SLC9A2: variants seen among roughly 807,000 people sequenced by gnomAD.
SLC9A2 encodes the protein solute carrier family 9 member A2.
Under a neutral mutation model 71.7 loss-of-function variants are expected in SLC9A2, and 42 were observed. The ratio of observed to expected loss-of-function variants is 0.59; its 90% CI spans 0.46 to 0.76. The LOEUF (loss-of-function observed/expected upper bound fraction) is 0.76, where lower values mean the gene tolerates loss of function less well. Among genes scored for constraint, SLC9A2 ranks in the 30% least tolerant of loss-of-function variants. The pLI is 0.00. For synonymous variants in SLC9A2, 396 were observed against 392.5 expected, an observed-to-expected ratio of 1.01 and a Z score of -0.10; for missense variants, 829 against 1,017.4, an observed-to-expected ratio of 0.81 and a Z score of 2.52.
chr2:102,667,730 T>G (rs1388538021), intron 3 of SLC9A2, among the ~76,000 whole-genome samples: 1 of 152,164 alleles, frequency 6.6e-6, no homozygotes, highest in East Asian at 1.9e-4. Flanking sequence ...GTGAAGATTT[T>G]CTTGACAACT....
chr2:102,664,057 C>T (rs1323725124), intron 2 of SLC9A2, among the ~76,000 whole-genome samples: 1 of 152,092 alleles, frequency 6.6e-6, no homozygotes, highest in Non-Finnish European at 1.5e-5. Context: ...GGGTGGATCT[C>T]TTGAGGTCAG....
chr2:102,629,744 A>G (rs1255784915), intron 1 of SLC9A2, among the ~76,000 whole-genome samples: 1 of 152,004 alleles, frequency 6.6e-6, no homozygotes, highest in Admixed American at 6.6e-5. Context: ...GTTTAATGTG[A>G]TTATCTGATT....
At chr2:102,654,497 T>TAAAATA (rs1421681273) in intron 1 of SLC9A2, among the ~76,000 whole-genome samples, 1 of 152,202 alleles carries the variant, frequency 6.6e-6, no homozygotes, top group Admixed American at 6.5e-5. Flanking sequence ...CTTTATTATT[T>TAAAATA]AACAGTTCTT....
chr2:102,708,446 A>G lies in SLC9A2; in HGVS notation c.2396A>G (p.Glu799Gly). The change falls in exon 12 of 12, where the codon GAA becomes GGA. Residue 799 changes from glutamate (E) to glycine (G), a missense_variant. By Grantham distance (98) the Glu-to-Gly change is moderately conservative. Transcript: ENST00000233969. Reference protein sequence around the residue: ...PPPRLVWRASEPGSRKARFGS... With the variant: ...PPPRLVWRASGPGSRKARFGS... Reference sequence around the variant, plus strand: ...CCACGGCTGGTCTGGAGGGCATCGGAACCTGGAAGCCGGAAAGCCCGATTT... The same window carrying G: ...CCACGGCTGGTCTGGAGGGCATCGGGACCTGGAAGCCGGAAAGCCCGATTT... The G allele has an allele frequency of 6.2e-7, 1 of 1,614,142 alleles. No individual in the cohort carries two copies. Among genetic ancestry groups the G allele is most frequent in the Non-Finnish European group, 8.5e-7 (1 of 1,180,024 alleles).
intron 1 of SLC9A2, among the ~76,000 whole-genome samples, chr2:102,649,401 G>A (rs1676789514): frequency 6.6e-6 from 1 of 152,272 alleles, no homozygotes. Flanking sequence ...TACCATTCAG[G>A]ACATAGGCAT....
chr2:102,658,977 TC>T (rs1303748906), intron 2 of SLC9A2, among the ~76,000 whole-genome samples: 1 of 152,204 alleles, frequency 6.6e-6, no homozygotes, highest in Non-Finnish European at 1.5e-5. Flanking sequence ...TGTGCTCAGG[TC>T]TCTATAACAA....
chr2:102,700,177 T>A (rs1408756137), intron 7 of SLC9A2, among the ~76,000 whole-genome samples: 1 of 152,184 alleles, frequency 6.6e-6, no homozygotes, highest in African/African-American at 2.4e-5. Flanking sequence ...TCAGTTTGAA[T>A]ATGTTAAATT....
intron 2 of SLC9A2, among the ~76,000 whole-genome samples, chr2:102,660,244 A>G (rs1677024464): frequency 6.6e-6 from 1 of 152,076 alleles, no homozygotes; most frequent in African/African-American, 2.4e-5. Flanking sequence ...AGAGCTTGTC[A>G]CTCTACTCAG....
At chr2:102,698,590 G>A (rs1177247555) in intron 7 of SLC9A2, among the ~76,000 whole-genome samples, 1 of 152,204 alleles carries the variant, frequency 6.6e-6, no homozygotes, top group Admixed American at 6.5e-5. Context: ...GCTCCAGTGG[G>A]TTGGCTGGCT....
chr2:102,682,694 A>G (rs1280057847), intron 3 of SLC9A2, among the ~76,000 whole-genome samples: 2 of 152,224 alleles, frequency 1.3e-5, no homozygotes, highest in Admixed American at 6.5e-5. Flanking sequence ...GAGACTCAGA[A>G]CTAAGGATAA....
intron 1 of SLC9A2, among the ~76,000 whole-genome samples, chr2:102,645,083 C>T (rs1676692882): frequency 1.3e-5 from 2 of 152,142 alleles, no homozygotes; most frequent in Admixed American, 6.5e-5. Context: ...CCCTCTGGGA[C>T]AAAGCTTCCA....
At chr2:102,662,468 C>G (rs1242031610) in intron 2 of SLC9A2, among the ~76,000 whole-genome samples, 2 of 152,098 alleles carry the variant, frequency 1.3e-5, no homozygotes, top group Non-Finnish European at 2.9e-5. Context: ...GGCACTCACT[C>G]AAAACTCAGC....
intron 3 of SLC9A2, among the ~76,000 whole-genome samples, chr2:102,669,597 C>T (rs766177504): frequency 2.6e-5 from 4 of 152,174 alleles, no homozygotes; most frequent in Non-Finnish European, 5.9e-5. Context: ...TATAGCAGGG[C>T]ATGAGAGGTG....
intron 7 of SLC9A2, among the ~76,000 whole-genome samples, chr2:102,699,115 G>A (rs1677822184): frequency 6.6e-6 from 1 of 152,180 alleles, no homozygotes; most frequent in South Asian, 2.1e-4. Flanking sequence ...AGCGAGATGG[G>A]GACTGCTGGG....
intron 3 of SLC9A2, among the ~76,000 whole-genome samples, chr2:102,666,455 C>T (rs2104527013): frequency 6.6e-6 from 1 of 152,280 alleles, no homozygotes; most frequent in African/African-American, 2.4e-5. Context: ...CCTTGGCCTC[C>T]CAAAATGCTG....
chr2:102,704,744 T>C lies in SLC9A2; in HGVS notation c.1977+69T>C, dbSNP rs1677941454. The C allele has an allele frequency of 2.6e-5, 39 of 1,520,758 alleles. 1 individual carries two copies. The South Asian group carries it at 4.3e-4, about 17-fold the overall frequency. 94.2% of individuals were successfully genotyped at this position (1,520,758 alleles called of 1,614,324 possible). On this transcript the variant is annotated intron_variant, in intron 10 of 11. Transcript: ENST00000233969. ...GACAGCTATTCCATTGATCAGCTGA[T>C]GGTATCATCAGCTCTGCAGATCAAG... is the stretch of plus-strand genomic sequence containing the variant.
intron 4 of SLC9A2, among the ~76,000 whole-genome samples, 187 bp downstream of exon 4, chr2:102,683,665 C>T (rs1051154644): frequency 1.3e-5 from 2 of 151,760 alleles, no homozygotes; most frequent in African/African-American, 4.8e-5. Flanking sequence ...CTATATCCTC[C>T]TCTTCCTCCT....
intron 11 of SLC9A2, 38 bp downstream of exon 11, chr2:102,705,974 A>T: frequency 7.9e-7 from 1 of 1,268,436 alleles, no homozygotes; most frequent in Non-Finnish European, 1.1e-6. Context: ...TTTTAAATTT[A>T]TTTGCCAATG....
chr2:102,694,908 C>T (rs1677724788), intron 6 of SLC9A2, 135 bp from the exon 7 acceptor site: 3 of 701,294 alleles, frequency 4.3e-6, no homozygotes, highest in South Asian at 1.9e-5. Flanking sequence ...TGTTTTATTG[C>T]TTTTGGTAAT....
Sources: gnomAD v4.1 joint callset for allele counts (sites outside exome capture counted in the v4.1 genomes callset) on GRCh38, gnomAD v4.1.1 for gene constraint, MANE v1.5 for transcripts, NCBI Gene and HGNC (gene_info 2026-07-23, HGNC 2026-07-21) for gene names.